PGBD2: variants seen among roughly 807,000 people sequenced by gnomAD.
PGBD2 encodes the protein piggyBac transposable element-derived protein 2.
Under a neutral mutation model 8.1 loss-of-function variants are expected in PGBD2, and 6 were observed. The ratio of observed to expected loss-of-function variants is 0.74; its 90% CI spans 0.40 to 1.46. The LOEUF (loss-of-function observed/expected upper bound fraction) is 1.46, where lower values mean the gene tolerates loss of function less well. PGBD2 is among the 40% of genes most tolerant of loss of function. PGBD2 has a pLI of 0.02. For missense variants in PGBD2, 802 were observed against 739.0 expected (o/e 1.09, Z -0.99); for synonymous variants, 318 against 272.2 (o/e 1.17, Z -1.66).
intron 1 of PGBD2, among the ~76,000 whole-genome samples, chr1:248,909,438 A>T (rs963824142): frequency 6.6e-6 from 1 of 152,132 alleles, no homozygotes; most frequent in Non-Finnish European, 1.5e-5. Context: ...GTTCTTTTCT[A>T]AATAGTTGTC....
At chr1:248,891,402 T>C in the PGBD2 span, among the ~76,000 whole-genome samples, 20 of 152,320 alleles carry the variant, frequency 1.3e-4, no homozygotes, top group Admixed American at 1.2e-3. Flanking sequence ...GAGTGGGGCA[T>C]ATGGGTTATA....
At chr1:248,899,323 A>G in the PGBD2 span, among the ~76,000 whole-genome samples, 1 of 152,192 alleles carries the variant, frequency 6.6e-6, no homozygotes, top group African/African-American at 2.4e-5. Flanking sequence ...ACCACAAAGA[A>G]CTTACTATAG....
At chr1:248,874,502 C>A in the PGBD2 span, among the ~76,000 whole-genome samples, 1 of 152,184 alleles carries the variant, frequency 6.6e-6, no homozygotes, top group Non-Finnish European at 1.5e-5. Flanking sequence ...TGTCTTTACT[C>A]ATGATATCTT....
At chr1:248,922,993 CCT>C (rs201603649), downstream of PGBD2, among the ~76,000 whole-genome samples, 1,305 of 152,170 alleles carry the variant, frequency 8.6e-3, 23 homozygotes, top group African/African-American at 0.03. Flanking sequence ...GGGAGGATTC[CCT>C]CTTTTTCTAT....
chr1:248,907,705 C>T (rs565323702), intron 1 of PGBD2, among the ~76,000 whole-genome samples: 1 of 152,336 alleles, frequency 6.6e-6, no homozygotes, highest in South Asian at 2.1e-4. Flanking sequence ...TCCTGCACAG[C>T]CCTAGACCCC....
chr1:248,913,772 T>C, intron 1 of PGBD2, 44 bp from the exon 2 acceptor site: 5 of 1,036,302 alleles, frequency 4.8e-6, no homozygotes, highest in Non-Finnish European at 7.5e-6. Flanking sequence ...GCCTTGCTTC[T>C]TAAGATACAA....
At chr1:248,882,027 T>C in the PGBD2 span, among the ~76,000 whole-genome samples, 6 of 152,190 alleles carry the variant, frequency 3.9e-5, no homozygotes, top group African/African-American at 1.4e-4. Context: ...TTTATTTACC[T>C]CTGAGTCCTT....
At chr1:248,898,865 T>C in the PGBD2 span, among the ~76,000 whole-genome samples, 1 of 152,184 alleles carries the variant, frequency 6.6e-6, no homozygotes, top group Non-Finnish European at 1.5e-5. Context: ...CAGACCCATC[T>C]CACATGCAGA....
intron 2 of PGBD2, chr1:248,914,709 A>C: frequency 1.1e-6 from 1 of 890,420 alleles, no homozygotes; most frequent in Non-Finnish European, 1.5e-6. Flanking sequence ...TCTCATAGCC[A>C]GGGTGATGTG....
chr1:248,923,444 G>A (rs1662326502), downstream of PGBD2, among the ~76,000 whole-genome samples: 2 of 151,900 alleles, frequency 1.3e-5, no homozygotes, highest in South Asian at 4.2e-4. Context: ...GGTTTTTCAT[G>A]TCTCTATCAC....
chr1:248,905,867 C>T (rs186692360), upstream of PGBD2, among the ~76,000 whole-genome samples: 26 of 152,320 alleles, frequency 1.7e-4, no homozygotes, highest in Admixed American at 1.1e-3. Context: ...CTCAGAGTTT[C>T]TTACTCAGAA....
chr1:248,908,957 G>A lies in PGBD2; in HGVS notation c.-48+2615G>A, dbSNP rs116665966. The stretch of plus-strand genomic sequence containing the variant: ...GACCTCCCTGACTAGATCAGTTTCC[G>A]TTTTACGGGTTTTGATAAACACCTC... On this transcript the variant is annotated intron_variant, in intron 1 of 2. Transcript: ENST00000329291. 4.2e-3 allele frequency among the ~76,000 whole-genome samples: 641 copies of A among 152,062 alleles called. 6 individuals are homozygous for A. Among genetic ancestry groups the A allele is most frequent in the African/African-American group, 0.014 (577 of 41,466 alleles).
downstream of PGBD2, chr1:248,919,191 C>A (rs1662230508): frequency 6.0e-6 from 1 of 167,012 alleles, no homozygotes; most frequent in South Asian, 2.1e-4. Flanking sequence ...CTCATTCTTT[C>A]TATTTTTTCA....
At chr1:248,877,441 C>T in the PGBD2 span, among the ~76,000 whole-genome samples, 5 of 152,182 alleles carry the variant, frequency 3.3e-5, no homozygotes, top group African/African-American at 1.2e-4. Context: ...GGACTACAAG[C>T]ATGCACACAA....
Position 248,917,754 on chromosome 1 carries a change from G to A in PGBD2, c.1170G>A (p.Leu390=). The change falls in exon 3 of 3, where the codon CTG becomes CTA. Residue 390 remains leucine, a synonymous_variant. Transcript: ENST00000329291. ...GTCCCCTAAAAGACCCCAAAGAACT[G>A]AAAAAAATGAAGAGGGGTTCATTTG... is the stretch of plus-strand genomic sequence containing the variant. ...ERCPLKDPKE[L]KKMKRGSFDY... The A allele has an allele frequency of 1.2e-6, 2 of 1,613,990 alleles. No homozygotes were observed. The highest frequency in any genetic ancestry group is 1.1e-5 in the South Asian group (1 of 91,076).
At chr1:248,893,448 C>T in the PGBD2 span, among the ~76,000 whole-genome samples, 2 of 152,110 alleles carry the variant, frequency 1.3e-5, no homozygotes, top group South Asian at 2.1e-4. Context: ...TTTTAAATAC[C>T]TCATATAAGA....
chr1:248,908,977 C>T (rs1661765787), intron 1 of PGBD2, among the ~76,000 whole-genome samples: 1 of 152,182 alleles, frequency 6.6e-6, no homozygotes, highest in East Asian at 1.9e-4. Flanking sequence ...TTTTGATAAA[C>T]ACCTCCTTTC....
chr1:248,874,646 GGCACCTGTT>G, the PGBD2 span, among the ~76,000 whole-genome samples: 5 of 152,140 alleles, frequency 3.3e-5, no homozygotes, highest in South Asian at 2.1e-4. Flanking sequence ...CCATTAGAAT[GGCACCTGTT>G]GCCTAGAGGG....
chr1:248,891,644 A>T, the PGBD2 span, among the ~76,000 whole-genome samples: 1 of 152,144 alleles, frequency 6.6e-6, no homozygotes, highest in African/African-American at 2.4e-5. Flanking sequence ...AGCCTGGGTA[A>T]CATGGCAAGA....
Sources: gnomAD v4.1 joint callset for allele counts (sites outside exome capture counted in the v4.1 genomes callset) on GRCh38, gnomAD v4.1.1 for gene constraint, MANE v1.5 for transcripts, NCBI Gene and HGNC (gene_info 2026-07-23, HGNC 2026-07-21) for gene names.